The following PARD3B variants were observed in gnomAD, a reference collection of about 807,000 sequenced individuals.
The protein encoded by PARD3B is par-3 family cell polarity regulator beta, also known as partitioning defective 3 homolog B.
A neutral mutation model predicts 130.2 loss-of-function variants in PARD3B; 103 were observed. The observed-to-expected ratio is 0.79, with a 90% confidence interval of 0.67 to 0.93. The LOEUF (loss-of-function observed/expected upper bound fraction) is 0.93. Among genes scored for constraint, PARD3B ranks in the 40% least tolerant of loss-of-function variants. The pLI is 0.00. For synonymous variants in PARD3B, 583 were observed against 553.2 expected (o/e 1.05, Z -0.76); for missense variants, 1,609 against 1,499.2 (o/e 1.07, Z -1.21).
chr2:205,126,783 A>AAAAAAAAAAAG, intron 10 of PARD3B, among the ~76,000 whole-genome samples: 1 of 139,720 alleles, frequency 7.2e-6, no homozygotes, highest in Non-Finnish European at 1.6e-5. Context: ...AAAAAAAAAA[A>AAAAAAAAAAAG]AAAATTGATA....
chr2:205,521,404 T>G (rs2051048868), intron 21 of PARD3B, among the ~76,000 whole-genome samples: 1 of 152,116 alleles, frequency 6.6e-6, no homozygotes, highest in South Asian at 2.1e-4. Flanking sequence ...TCAAATTTCA[T>G]TCAGGGTTTT....
At chr2:204,709,716 A>AT (rs2038345558) in intron 2 of PARD3B, among the ~76,000 whole-genome samples, 1 of 152,216 alleles carries the variant, frequency 6.6e-6, no homozygotes, top group Admixed American at 6.5e-5. Flanking sequence ...ACACTGAGGC[A>AT]TCTTAAGGTA....
At chr2:205,521,279 G>T (rs540930763) in intron 21 of PARD3B, among the ~76,000 whole-genome samples, 1 of 151,630 alleles carries the variant, frequency 6.6e-6, no homozygotes, top group Admixed American at 6.6e-5. Context: ...AGGTTTATTG[G>T]CCATGTATAT....
intron 6 of PARD3B, among the ~76,000 whole-genome samples, chr2:205,114,810 C>A (rs1703912835): frequency 1.3e-5 from 2 of 150,662 alleles, no homozygotes; most frequent in African/African-American, 4.9e-5. Context: ...AATGAATGTT[C>A]CCCAAAAGAA....
chr2:204,610,980 A>G lies in PARD3B; in HGVS notation c.120+64861A>G, dbSNP rs1212061066. Among the ~76,000 whole-genome samples the G allele has an allele frequency of 1.3e-5, 2 of 152,182 alleles. No homozygotes were observed. The highest frequency in any genetic ancestry group is 1.9e-4 in the East Asian group (1 of 5,194). On this transcript the variant is annotated intron_variant, in intron 1 of 22. Coordinates refer to ENST00000406610, the MANE Select transcript of PARD3B (RefSeq NM_001302769.2). The surrounding 1 kb of genome is among the most constrained non-coding windows in gnomAD (Gnocchi z 4.1). ...ACTGCATTTCCTGCTTTTCGAAATC[A>G]TTTCTCTCATACCATCCCTCCAGCA...
intron 2 of PARD3B, among the ~76,000 whole-genome samples, chr2:204,902,857 C>A (rs2046917589): frequency 6.6e-6 from 1 of 152,126 alleles, no homozygotes; most frequent in Admixed American, 6.5e-5. Context: ...CTCCTGAATT[C>A]TATGTCCTCT....
At chr2:204,671,685 G>A (rs2036309230) in intron 1 of PARD3B, among the ~76,000 whole-genome samples, 1 of 152,208 alleles carries the variant, frequency 6.6e-6, no homozygotes, top group African/African-American at 2.4e-5. Context: ...GATTTTCAGA[G>A]AAGGAATGAG....
chr2:205,533,536 G>A (rs1035961039), intron 21 of PARD3B, among the ~76,000 whole-genome samples: 3 of 151,828 alleles, frequency 2.0e-5, no homozygotes, highest in Non-Finnish European at 4.4e-5. Flanking sequence ...ATTTTTTCAG[G>A]CTAATTTTAA....
chr2:204,810,193 G>C (rs2042916191), intron 2 of PARD3B, among the ~76,000 whole-genome samples: 1 of 152,070 alleles, frequency 6.6e-6, no homozygotes, highest in Non-Finnish European at 1.5e-5. Flanking sequence ...TCTGCAAACA[G>C]AGATAGTTTG....
intron 2 of PARD3B, among the ~76,000 whole-genome samples, chr2:204,862,022 T>G (rs1413500583): frequency 6.6e-6 from 1 of 151,698 alleles, no homozygotes; most frequent in African/African-American, 2.4e-5. Context: ...ATTTAGAAAC[T>G]TTCACTCCAT....
intron 2 of PARD3B, among the ~76,000 whole-genome samples, chr2:204,897,456 G>A (rs1463881395): frequency 7.0e-6 from 1 of 142,152 alleles, no homozygotes; most frequent in East Asian, 2.2e-4. Flanking sequence ...GAGCAACAAT[G>A]GACTGTCTCC....
At chr2:205,138,709 A>C (rs1014858784) in intron 10 of PARD3B, among the ~76,000 whole-genome samples, 6 of 152,232 alleles carry the variant, frequency 3.9e-5, no homozygotes, top group African/African-American at 1.4e-4. Context: ...AAATTATGAA[A>C]GATCTGTATA....
chr2:205,275,685 A>C (rs1425268303), intron 16 of PARD3B, among the ~76,000 whole-genome samples: 1 of 151,868 alleles, frequency 6.6e-6, no homozygotes, highest in Non-Finnish European at 1.5e-5. Context: ...ACAATACAAA[A>C]AATTAGCCGG....
At chr2:205,025,823 A>G in intron 3 of PARD3B, among the ~76,000 whole-genome samples, 1 of 152,096 alleles carries the variant, frequency 6.6e-6, no homozygotes, top group East Asian at 1.9e-4. Flanking sequence ...CTCAACACAC[A>G]GATGCCTTGT....
chr2:205,104,585 G>T, intron 5 of PARD3B, 71 bp downstream of exon 5: 1 of 1,076,564 alleles, frequency 9.3e-7, no homozygotes. Context: ...GTTTATAATT[G>T]TTCTTACTTT....
chr2:205,125,774 G>A lies in PARD3B; in HGVS notation c.1434+37G>A, dbSNP rs777981015. 7 of 1,610,802 alleles carry A rather than the reference G, an allele frequency of 4.3e-6. No homozygotes were observed. The highest frequency in any genetic ancestry group is 5.9e-6 in the Non-Finnish European group (7 of 1,178,140). On this transcript the variant is annotated intron_variant, in intron 10 of 22. Coordinates refer to ENST00000406610, the MANE Select transcript of PARD3B (RefSeq NM_001302769.2). This position sits in a 1 kb window ranked among gnomAD's most constrained non-coding sequence, Gnocchi z 4.0. ...ATCTCAGTCTCACTGAATTTTTAATGCCGAGCTTAATACACTCAATGAACT... is the reference window on the plus strand; with the variant it reads ...ATCTCAGTCTCACTGAATTTTTAATACCGAGCTTAATACACTCAATGAACT...
At chr2:204,696,269 G>C (rs1272087797) in intron 2 of PARD3B, among the ~76,000 whole-genome samples, 1 of 151,826 alleles carries the variant, frequency 6.6e-6, no homozygotes, top group African/African-American at 2.4e-5. Flanking sequence ...TTTAACGGAA[G>C]AAAAAAACGG....
intron 2 of PARD3B, among the ~76,000 whole-genome samples, chr2:204,858,939 G>A (rs966635039): frequency 5.9e-5 from 9 of 151,520 alleles, no homozygotes; most frequent in African/African-American, 2.4e-5. Flanking sequence ...ACAAAATTAT[G>A]CATCATTCTC....
chr2:205,255,688 T>A (rs964394339), intron 16 of PARD3B, among the ~76,000 whole-genome samples: 3 of 152,120 alleles, frequency 2.0e-5, no homozygotes, highest in Non-Finnish European at 2.9e-5. Context: ...TTAGGCTTAC[T>A]CATTTATTAT....
Sources: allele counts gnomAD v4.1 joint callset (sites outside exome capture counted in the v4.1 genomes callset), GRCh38; gene constraint gnomAD v4.1.1; non-coding constraint Gnocchi (gnomAD v3.1); transcripts MANE v1.5; gene names NCBI Gene and HGNC (gene_info 2026-07-23, HGNC 2026-07-21).